The following EBF1 variants were observed in gnomAD, a reference collection of about 807,000 sequenced individuals.
The protein encoded by EBF1 is EBF transcription factor 1.
Under a neutral mutation model 68.4 loss-of-function variants are expected in EBF1, and 10 were observed. The ratio of observed to expected loss-of-function variants is 0.15; its 90% CI spans 0.09 to 0.25. The LOEUF (loss-of-function observed/expected upper bound fraction) is 0.25. Ranked by LOEUF, EBF1 falls within the 10% of genes least tolerant of loss-of-function variation. The probability of loss-of-function intolerance (pLI) is 1.00; values close to 1 mark genes in which losing one functional copy is unlikely to be tolerated. For missense variants in EBF1, 509 were observed against 794.4 expected (o/e 0.64, Z 4.32); for synonymous variants, 298 against 299.8 (o/e 0.99, Z 0.06).
intron 6 of EBF1, among the ~76,000 whole-genome samples, chr5:158,981,157 TA>T (rs961207462): frequency 3.4e-3 from 488 of 142,546 alleles, no homozygotes; most frequent in African/African-American, 9.4e-3. Flanking sequence ...TTCCAAATGT[TA>T]AAAAAAAAAA....
chr5:158,873,412 A>T (rs1797249893), intron 6 of EBF1, among the ~76,000 whole-genome samples: 1 of 152,110 alleles, frequency 6.6e-6, no homozygotes, highest in Non-Finnish European at 1.5e-5. Context: ...TGTTCCCTGA[A>T]CTTCAATCAC....
chr5:158,846,060 C>T (rs1208477806), intron 6 of EBF1, among the ~76,000 whole-genome samples: 1 of 152,194 alleles, frequency 6.6e-6, no homozygotes, highest in Non-Finnish European at 1.5e-5. Flanking sequence ...ACAAAACCTA[C>T]ATTTGCAATC....
At chr5:158,857,384 A>G (rs894490250) in intron 6 of EBF1, among the ~76,000 whole-genome samples, 68 of 152,034 alleles carry the variant, frequency 4.5e-4, no homozygotes, top group Non-Finnish European at 1.2e-4. Flanking sequence ...GTTGCAAAAT[A>G]TCAAGTTTCA....
chr5:159,082,200 A>G (rs1329394677), intron 5 of EBF1, among the ~76,000 whole-genome samples: 2 of 152,114 alleles, frequency 1.3e-5, no homozygotes, highest in Admixed American at 1.3e-4. Context: ...GTCGATCTAA[A>G]TTCTCTGTGT....
At chr5:158,772,641 C>G (rs935790383) in intron 10 of EBF1, among the ~76,000 whole-genome samples, 1 of 152,106 alleles carries the variant, frequency 6.6e-6, no homozygotes, top group Non-Finnish European at 1.5e-5. Context: ...TTGGGGTTGA[C>G]AGGTGTTACT....
At chr5:158,964,885 G>A (rs983547012) in intron 6 of EBF1, among the ~76,000 whole-genome samples, 3 of 152,126 alleles carry the variant, frequency 2.0e-5, no homozygotes, top group African/African-American at 7.2e-5. Flanking sequence ...TTCAAGTAGT[G>A]GAAATGCAAC....
chr5:158,971,631 C>T (rs534240208), intron 6 of EBF1, among the ~76,000 whole-genome samples: 1 of 152,136 alleles, frequency 6.6e-6, no homozygotes, highest in Non-Finnish European at 1.5e-5. Flanking sequence ...GAATAAATGC[C>T]ATAGGAGGAA....
chr5:158,962,369 C>G (rs533311446), intron 6 of EBF1, among the ~76,000 whole-genome samples: 1 of 151,996 alleles, frequency 6.6e-6, no homozygotes, highest in Non-Finnish European at 1.5e-5. Flanking sequence ...GGCTGGGGAC[C>G]GAGGCAAGCA....
At chr5:158,760,417 C>T (rs1771158395) in intron 10 of EBF1, among the ~76,000 whole-genome samples, 1 of 152,054 alleles carries the variant, frequency 6.6e-6, no homozygotes, top group East Asian at 1.9e-4. Context: ...CTGTTCGGCC[C>T]CTAAATGAAC....
At chr5:158,819,178 T>C (rs923554102) in intron 8 of EBF1, among the ~76,000 whole-genome samples, 4 of 152,218 alleles carry the variant, frequency 2.6e-5, no homozygotes, top group Non-Finnish European at 4.4e-5. Flanking sequence ...AATGAGCATT[T>C]AAACTGCTTG....
At chr5:158,788,796 C>T (rs561265919) in intron 9 of EBF1, among the ~76,000 whole-genome samples, 1 of 152,170 alleles carries the variant, frequency 6.6e-6, no homozygotes, top group Non-Finnish European at 1.5e-5. Context: ...ACCTCCTGAA[C>T]ACGCTGTAAA....
intron 10 of EBF1, among the ~76,000 whole-genome samples, chr5:158,775,776 G>GCACAGA (rs1775037110): frequency 1.8e-5 from 1 of 56,002 alleles, no homozygotes; most frequent in African/African-American, 9.2e-5. Context: ...ACACACACAT[G>GCACAGA]CACACAGACA....
chr5:158,869,820 C>T (rs1313053965), intron 6 of EBF1, among the ~76,000 whole-genome samples: 2 of 152,156 alleles, frequency 1.3e-5, no homozygotes, highest in Non-Finnish European at 2.9e-5. Flanking sequence ...AGTCTATTCT[C>T]TGTGCTCTAG....
intron 8 of EBF1, among the ~76,000 whole-genome samples, chr5:158,813,699 CAG>C (rs748556152): frequency 2.0e-4 from 31 of 152,170 alleles, no homozygotes; most frequent in Admixed American, 5.2e-4. Flanking sequence ...GATGAGGAAA[CAG>C]AGGCCCAGAG....
intron 6 of EBF1, among the ~76,000 whole-genome samples, chr5:158,868,894 GA>G (rs1796385940): frequency 6.6e-6 from 1 of 152,116 alleles, no homozygotes; most frequent in Non-Finnish European, 1.5e-5. Context: ...ACCTACTCTT[GA>G]AAAGATTCAA....
At chr5:158,944,481 G>T (rs1281869362) in intron 6 of EBF1, among the ~76,000 whole-genome samples, 1 of 152,148 alleles carries the variant, frequency 6.6e-6, no homozygotes, top group African/African-American at 2.4e-5. Flanking sequence ...ATGGGCATTT[G>T]GATTGGTTCC....
At chr5:159,061,467 A>G (rs1775809869) in intron 6 of EBF1, among the ~76,000 whole-genome samples, 1 of 152,082 alleles carries the variant, frequency 6.6e-6, no homozygotes, top group African/African-American at 2.4e-5. Context: ...TGGGGTAGAA[A>G]GAAAGAATAG....
intron 10 of EBF1, among the ~76,000 whole-genome samples, chr5:158,767,116 C>T (rs1308733358): frequency 6.6e-6 from 1 of 152,066 alleles, no homozygotes; most frequent in East Asian, 1.9e-4. Context: ...TAGTTCATGT[C>T]CCTTAATAAC....
intron 15 of EBF1, among the ~76,000 whole-genome samples, chr5:158,704,712 T>C (rs1757494321): frequency 6.6e-6 from 1 of 152,102 alleles, no homozygotes; most frequent in South Asian, 2.1e-4. Flanking sequence ...GGGAAAACTT[T>C]TGTGGCTCAA....
Sources: gnomAD v4.1 joint callset for allele counts (sites outside exome capture counted in the v4.1 genomes callset) on GRCh38, gnomAD v4.1.1 for gene constraint, MANE v1.5 for transcripts, NCBI Gene and HGNC (gene_info 2026-07-23, HGNC 2026-07-21) for gene names.